Variants in CLASP2 observed in about 807,000 individuals in gnomAD.
CLASP2 encodes cytoplasmic linker associated protein 2.
A neutral mutation model predicts 194.4 loss-of-function variants in CLASP2; 47 were observed. The observed-to-expected ratio is 0.24, with a 90% CI of 0.19 to 0.31. CLASP2 has a LOEUF of 0.31. Ranked by LOEUF, CLASP2 falls within the 10% of genes least tolerant of loss-of-function variation. The pLI is 1.00. For missense variants in CLASP2, 1,445 were observed against 1,823.6 expected (o/e 0.79, Z 3.78); for synonymous variants, 619 against 633.5 (o/e 0.98, Z 0.34).
Position 33,517,034 on chromosome 3 carries a change from C to T in CLASP2, c.3928G>A (p.Glu1310Lys). 1 of 1,613,482 alleles carries T rather than the reference C, an allele frequency of 6.2e-7. No homozygotes were observed. The highest frequency in any genetic ancestry group is 8.5e-7 in the Non-Finnish European group (1 of 1,179,728). ...TQEESFSVWD[E>K]HFKTILLLLL... ...AAAAGCAATATTGTTTTGAAGTGTT[C>T]ATCCCAAACACTAAAAGATTCTTCC... is the stretch of plus-strand genomic sequence containing the variant. Residue 1310 changes from glutamate to lysine, a missense_variant, in exon 35 of 39, where the codon GAA (glutamate) becomes AAA (lysine). Coordinates refer to ENST00000682230, the MANE Select transcript of CLASP2 (RefSeq NM_001365631.1).
intron 16 of CLASP2, among the ~76,000 whole-genome samples, chr3:33,605,159 T>C (rs2073476535): frequency 6.6e-6 from 1 of 152,174 alleles, no homozygotes; most frequent in Non-Finnish European, 1.5e-5. Context: ...AAACAGCATT[T>C]AGCATCACCT....
chr3:33,687,129 C>A lies in CLASP2; in HGVS notation c.477G>T (p.Gly159=). The A allele has an allele frequency of 6.3e-7, 1 of 1,585,588 alleles. No individual in the cohort carries two copies. Among genetic ancestry groups the A allele is most frequent in the Non-Finnish European group, 8.6e-7 (1 of 1,164,550 alleles). Residue 159 remains glycine (G), a synonymous_variant, in exon 5 of 39, where the codon GGG becomes GGT. Coordinates refer to ENST00000682230, the MANE Select transcript of CLASP2 (RefSeq NM_001365631.1). ...LCLIETLNIF[G]AQPLVISKLI... is the part of the protein sequence containing the mutation. ...ATTTGCTGATGACTAGTGGCTGAGC[C>A]CCAAAACTAAATATAATTTGAGAAA...
chr3:33,653,065 T>A (rs948061048), intron 7 of CLASP2, among the ~76,000 whole-genome samples: 1 of 152,152 alleles, frequency 6.6e-6, no homozygotes, highest in African/African-American at 2.4e-5. Flanking sequence ...AAAAAATAAT[T>A]TGGATCAACA....
intron 6 of CLASP2, among the ~76,000 whole-genome samples, chr3:33,676,263 C>T (rs1405639183): frequency 6.7e-6 from 1 of 150,208 alleles, no homozygotes; most frequent in Non-Finnish European, 1.5e-5. Flanking sequence ...GAACAGAGCC[C>T]TCAGAAATAA....
In CLASP2 at chr3:33,498,681, T is replaced by C. The variant is rs2046114696; in HGVS notation, c.4471A>G (p.Thr1491Ala). The change falls in exon 39 of 39, where the codon ACA becomes GCA. Residue 1491 changes from threonine (T) to alanine (A), a missense_variant. By Grantham distance (58) the Thr-to-Ala change is moderately conservative (BLOSUM62 0). Around this residue, in one of 4 missense-constraint regions of CLASP2, gnomAD observed 732 missense variants for 987.9 expected, o/e 0.74. Transcript: ENST00000682230. ...LLNLYIKRAQ[T>A]GSGGADPTTD... is the part of the protein sequence containing the mutation. Reference sequence around the variant, plus strand: ...GTGGGATCAGCTCCTCCAGAACCTGTTTGTGCACGTTTGATGTAAAGATTC... The same window carrying C: ...GTGGGATCAGCTCCTCCAGAACCTGCTTGTGCACGTTTGATGTAAAGATTC... 6.2e-7 allele frequency: 1 copy of C among 1,613,268 alleles called. No homozygotes were observed. Among genetic ancestry groups the C allele is most frequent in the Non-Finnish European group, 8.5e-7 (1 of 1,179,468 alleles).
intron 12 of CLASP2, among the ~76,000 whole-genome samples, chr3:33,614,009 A>G (rs2075675154): frequency 6.6e-6 from 1 of 152,188 alleles, no homozygotes; most frequent in East Asian, 1.9e-4. Flanking sequence ...AACAATTTAC[A>G]CTTTATTAAT....
chr3:33,633,690 T>C (rs2079547864), intron 8 of CLASP2, among the ~76,000 whole-genome samples: 2 of 151,768 alleles, frequency 1.3e-5, no homozygotes, highest in Non-Finnish European at 2.9e-5. Flanking sequence ...AAGAGGCCAT[T>C]AGGAATAAAC....
chr3:33,568,395 A>T (rs2063129694), intron 26 of CLASP2, among the ~76,000 whole-genome samples: 2 of 151,818 alleles, frequency 1.3e-5, no homozygotes, highest in African/African-American at 4.8e-5. Context: ...TCTACTAAAA[A>T]TACGAAAAAT....
At chr3:33,572,935 A>G (rs561686164) in intron 25 of CLASP2, among the ~76,000 whole-genome samples, 175 bp downstream of exon 25, 1 of 147,366 alleles carries the variant, frequency 6.8e-6, no homozygotes, top group South Asian at 2.1e-4. Flanking sequence ...TTTTTTAGTA[A>G]TGAAAGTATA....
At chr3:33,508,138 G>A (rs1452028827) in intron 37 of CLASP2, among the ~76,000 whole-genome samples, 1 of 151,836 alleles carries the variant, frequency 6.6e-6, no homozygotes, top group Non-Finnish European at 1.5e-5. Flanking sequence ...GGGACCATAG[G>A]CATGCCACTG....
chr3:33,572,600 A>C (rs1013369561), intron 25 of CLASP2, among the ~76,000 whole-genome samples: 1 of 152,174 alleles, frequency 6.6e-6, no homozygotes, highest in Non-Finnish European at 1.5e-5. Context: ...CCATTAGTAA[A>C]GGAAACAAAA....
At chr3:33,504,469 C>T (rs1462281275) in intron 37 of CLASP2, 1 of 152,182 alleles carries the variant, frequency 6.6e-6, no homozygotes, top group East Asian at 1.9e-4. Context: ...AAGACAAACT[C>T]TCCCAGTCTT....
At chr3:33,620,997 T>TTGTGTGTGTGTG (rs60682503) in intron 11 of CLASP2, among the ~76,000 whole-genome samples, 1 of 142,554 alleles carries the variant, frequency 7.0e-6, no homozygotes, top group African/African-American at 2.6e-5. Context: ...CTGTAGCTCT[T>TTGTGTGTGTGTG]TGTGTGTGTG....
intron 29 of CLASP2, among the ~76,000 whole-genome samples, chr3:33,552,654 TCATAGTCAAG>T (rs1283629201): frequency 7.2e-5 from 11 of 152,230 alleles, no homozygotes; most frequent in Non-Finnish European, 1.6e-4. Flanking sequence ...GAAACGTTTC[TCATAGTCAAG>T]CAAATCAATG....
At chr3:33,570,651 G>T (rs2063555154) in intron 26 of CLASP2, 76 bp downstream of exon 26, 4 of 1,521,110 alleles carry the variant, frequency 2.6e-6, no homozygotes, top group Admixed American at 3.9e-5. Context: ...AATAAAAATG[G>T]CCTACAGTTT....
intron 34 of CLASP2, among the ~76,000 whole-genome samples, chr3:33,518,514 A>G (rs928402490): frequency 6.6e-6 from 1 of 152,202 alleles, no homozygotes; most frequent in African/African-American, 2.4e-5. Context: ...ACCACAGAGC[A>G]CGCTGCAGAC....
At chr3:33,580,824 G>C (rs2065894350) in intron 23 of CLASP2, among the ~76,000 whole-genome samples, 2 of 151,816 alleles carry the variant, frequency 1.3e-5, no homozygotes, top group Non-Finnish European at 2.9e-5. Context: ...GACCATCCTG[G>C]CTAACACGGT....
intron 1 of CLASP2, among the ~76,000 whole-genome samples, chr3:33,703,820 G>C (rs753822867): frequency 3.9e-5 from 6 of 152,104 alleles, no homozygotes; most frequent in Non-Finnish European, 8.8e-5. Context: ...ATTCACAGTT[G>C]GCAAACTTGA....
In CLASP2 at chr3:33,591,171, C is replaced by T. The variant is rs115718833; in HGVS notation, c.2068+1224G>A. On this transcript the variant is annotated intron_variant, in intron 21 of 38. Coordinates refer to ENST00000682230, the MANE Select transcript of CLASP2 (RefSeq NM_001365631.1). ...TAGCCTGGGTGACAAGAGTGAGATC[C>T]TGTCTCAAAAAAAGAAAAACAAATA... is the stretch of plus-strand genomic sequence containing the variant. Among the ~76,000 whole-genome samples, 1,298 of 152,070 alleles carry T rather than the reference C, an allele frequency of 8.5e-3. 21 individuals are homozygous for T. Among genetic ancestry groups the T allele is most frequent in the African/African-American group, 0.028 (1,176 of 41,490 alleles).
Sources: gnomAD v4.1 joint callset for allele counts (sites outside exome capture counted in the v4.1 genomes callset) on GRCh38, gnomAD v4.1.1 for gene constraint, gnomAD v4.1.1 regional missense constraint, MANE v1.5 for transcripts, NCBI Gene and HGNC (gene_info 2026-07-23, HGNC 2026-07-21) for gene names.